UBR2: variants seen among roughly 807,000 people sequenced by gnomAD.
UBR2 encodes ubiquitin protein ligase E3 component n-recognin 2.
Under a neutral mutation model 247.9 loss-of-function variants are expected in UBR2, and 92 were observed. That is an observed-to-expected ratio of 0.37 (90% confidence interval 0.31 to 0.44). The LOEUF is 0.44. UBR2 is among the 20% of genes least tolerant of loss of function. The pLI, the probability that UBR2 is intolerant of heterozygous loss-of-function variation, is 1.00. For synonymous variants in UBR2, 672 were observed against 693.5 expected, an observed-to-expected ratio of 0.97 and a Z score of 0.49; for missense variants, 1,613 against 2,112.6, an observed-to-expected ratio of 0.76 and a Z score of 4.64.
At chr6:42,583,922 A>G (rs1323310175) in intron 2 of UBR2, among the ~76,000 whole-genome samples, 2 of 151,492 alleles carry the variant, frequency 1.3e-5, no homozygotes, top group African/African-American at 4.9e-5. Flanking sequence ...CTTGAGGTAG[A>G]GGTTAAGTTT....
chr6:42,573,625 T>G (rs779301774), intron 1 of UBR2, 109 bp from the exon 2 acceptor site: 3 of 1,265,904 alleles, frequency 2.4e-6, no homozygotes, highest in Non-Finnish European at 3.1e-6. Flanking sequence ...AACAAAATAT[T>G]TTAATATGCT....
chr6:42,620,054 G>T, intron 11 of UBR2: 1 of 924,688 alleles, frequency 1.1e-6, no homozygotes, highest in Non-Finnish European at 1.3e-6. Context: ...TGGTCTATCT[G>T]GATATGTATG....
chr6:42,673,875 A>G lies in UBR2; in HGVS notation c.4171A>G (p.Lys1391Glu), dbSNP rs1798575907. The change falls in exon 37 of 47, where the codon AAA becomes GAA. Residue 1391 changes from lysine (K) to glutamate (E), a missense_variant. This residue lies in a region of UBR2 where 1,524 missense variants were observed against 1,967.3 expected (regional missense o/e 0.77). Coordinates refer to ENST00000372901, the MANE Select transcript of UBR2 (RefSeq NM_001363705.2). ...SVSVVQGHFCKLFASLVPNDS... is the reference protein window; with the variant it reads ...SVSVVQGHFCELFASLVPNDS... ...TTCAGTGGTGCAAGGACATTTTTGTAAACTTTTTGCATGTGAGTATTAATA... is the reference window on the plus strand; with the variant it reads ...TTCAGTGGTGCAAGGACATTTTTGTGAACTTTTTGCATGTGAGTATTAATA... 6.2e-7 allele frequency: 1 copy of G among 1,613,020 alleles called. No homozygotes were observed. The highest frequency in any genetic ancestry group is 8.5e-7 in the Non-Finnish European group (1 of 1,179,452).
intron 30 of UBR2, among the ~76,000 whole-genome samples, chr6:42,660,565 A>T (rs1324449047): frequency 6.6e-6 from 1 of 152,136 alleles, no homozygotes; most frequent in Admixed American, 6.6e-5. Flanking sequence ...TTCACACTGC[A>T]GCGTGAAAGG....
chr6:42,600,360 T>G (rs1344943489), intron 4 of UBR2, among the ~76,000 whole-genome samples: 1 of 152,078 alleles, frequency 6.6e-6, no homozygotes, highest in African/African-American at 2.4e-5. Flanking sequence ...GCTAAAATTA[T>G]TAGTAATAAT....
At chr6:42,617,606 A>C in intron 11 of UBR2, 99 bp downstream of exon 11, 1 of 1,068,912 alleles carries the variant, frequency 9.4e-7, no homozygotes, top group Non-Finnish European at 1.4e-6. Flanking sequence ...AAAGAATAGT[A>C]TTTTATTAAT....
rs561016510 is a variant in UBR2, at chr6:42,588,169, C to T, written c.339-3982C>T. ...GGCTATATATTGGGGTCTCCATTAG[C>T]TCCTCTTTGGGTTGGATTAAGTTGC... On this transcript the variant is annotated intron_variant, in intron 2 of 46. Transcript: ENST00000372901. 2.3e-4 allele frequency among the ~76,000 whole-genome samples: 35 copies of T among 152,312 alleles called. No individual in the cohort carries two copies. In the South Asian group the frequency reaches 7.2e-3, roughly 32 times the overall value.
chr6:42,581,525 C>T (rs963228112), intron 2 of UBR2, among the ~76,000 whole-genome samples: 12 of 152,248 alleles, frequency 7.9e-5, no homozygotes, highest in African/African-American at 2.6e-4. Context: ...CAAGGTCTCA[C>T]TTTGCTGCCC....
intron 43 of UBR2, 107 bp from the exon 44 acceptor site, chr6:42,684,687 C>A: frequency 4.7e-6 from 3 of 642,654 alleles, no homozygotes; most frequent in Non-Finnish European, 7.7e-6. Flanking sequence ...TAGTGAAAGG[C>A]CATACCATGT....
In UBR2 at chr6:42,691,844, G is replaced by A. The variant is rs1277268339; in HGVS notation, c.*671G>A. ...TTGGCTTTGAGAAAACTCACTTAGA[G>A]GGCTTTCCAAAAACTTAGGATGGTC... On this transcript the variant is annotated 3_prime_UTR_variant, in exon 47 of 47. Coordinates refer to ENST00000372901, the MANE Select transcript of UBR2 (RefSeq NM_001363705.2). 1.3e-5 allele frequency: 2 copies of A among 150,772 alleles called. 1 individual carries two copies. Among genetic ancestry groups the A allele is most frequent in the African/African-American group, 4.9e-5 (2 of 40,902 alleles). The allele number at this position is 150,772 out of a possible 1,614,324, so 9.3% of individuals were successfully genotyped here.
At chr6:42,646,763 TTA>T (rs1198079508) in intron 21 of UBR2, among the ~76,000 whole-genome samples, 1 of 151,704 alleles carries the variant, frequency 6.6e-6, no homozygotes, top group Non-Finnish European at 1.5e-5. Flanking sequence ...AACCCTATCT[TTA>T]TGTTATCACA....
chr6:42,646,587 C>T (rs1482759304), intron 21 of UBR2, among the ~76,000 whole-genome samples: 1 of 152,034 alleles, frequency 6.6e-6, no homozygotes, highest in Non-Finnish European at 1.5e-5. Context: ...GTGAATGTTA[C>T]TACTCAGGGC....
intron 2 of UBR2, among the ~76,000 whole-genome samples, chr6:42,587,086 C>T (rs1211284821): frequency 6.6e-6 from 1 of 152,034 alleles, no homozygotes; most frequent in African/African-American, 2.4e-5. Context: ...TCCCAAAGTG[C>T]TGGAATTACA....
chr6:42,648,232 A>G, intron 22 of UBR2, 62 bp downstream of exon 22: 1 of 1,424,182 alleles, frequency 7.0e-7, no homozygotes, highest in South Asian at 1.2e-5. Flanking sequence ...CATTTTTCTT[A>G]GAGTGTTTTC....
At chr6:42,569,557 T>A (rs1020505116) in intron 1 of UBR2, among the ~76,000 whole-genome samples, 1 of 152,340 alleles carries the variant, frequency 6.6e-6, no homozygotes, top group South Asian at 2.1e-4. Context: ...TTGTTTAAAA[T>A]TTTTCTCAAT....
chr6:42,637,348 A>G (rs1248848436), intron 15 of UBR2, among the ~76,000 whole-genome samples, 154 bp downstream of exon 15: 1 of 152,180 alleles, frequency 6.6e-6, no homozygotes, highest in Non-Finnish European at 1.5e-5. Context: ...TGAAGTAGGT[A>G]TTATTATTAA....
intron 11 of UBR2, among the ~76,000 whole-genome samples, 154 bp from the exon 12 acceptor site, chr6:42,632,398 G>T (rs1165108764): frequency 2.6e-5 from 4 of 152,106 alleles, no homozygotes; most frequent in South Asian, 2.1e-4. Context: ...GTAAGTAATT[G>T]TTATTTAGAA....
intron 41 of UBR2, 35 bp from the exon 42 acceptor site, chr6:42,679,689 G>T: frequency 6.8e-7 from 1 of 1,471,804 alleles, no homozygotes; most frequent in Non-Finnish European, 9.5e-7. Flanking sequence ...GCCCTTAGTT[G>T]TTATATGCAC....
chr6:42,647,469 G>A lies in UBR2; in HGVS notation c.2410-649G>A, dbSNP rs936498310. On this transcript the variant is annotated intron_variant, in intron 21 of 46. Coordinates refer to ENST00000372901, the MANE Select transcript of UBR2 (RefSeq NM_001363705.2). ...AAATTAGCCAGGTGTGGTGGCAGGC[G>A]CCTGTAATCCCAGCTACTTGGTAGG... Among the ~76,000 whole-genome samples the A allele has an allele frequency of 3.7e-4, 55 of 148,752 alleles. No homozygotes were observed. In the South Asian group the frequency reaches 0.01, roughly 27 times the overall value.
Sources: gnomAD v4.1 joint callset for allele counts (sites outside exome capture counted in the v4.1 genomes callset) on GRCh38, gnomAD v4.1.1 for gene constraint, gnomAD v4.1.1 regional missense constraint, MANE v1.5 for transcripts, NCBI Gene and HGNC (gene_info 2026-07-23, HGNC 2026-07-21) for gene names.